The following ASIP variants were observed in gnomAD, a reference collection of about 807,000 sequenced individuals.
ASIP encodes the protein agouti-signaling protein.
In ASIP, 11 loss-of-function variants were observed where a neutral mutation model predicts 10.3. That is an observed-to-expected ratio of 1.07 (90% CI 0.68 to 1.78). The LOEUF (loss-of-function observed/expected upper bound fraction) is 1.78, where lower values mean the gene tolerates loss of function less well. ASIP is among the 40% of genes most tolerant of loss of function. The probability of loss-of-function intolerance (pLI) is 0.00; values close to 1 mark genes in which losing one functional copy is unlikely to be tolerated. For missense variants in ASIP, 180 were observed against 169.2 expected (o/e 1.06, Z -0.35); for synonymous variants, 70 against 70.8 (o/e 0.99, Z 0.06).
intron 1 of ASIP, among the ~76,000 whole-genome samples, chr20:34,224,202 C>G (rs1373519641): frequency 2.7e-5 from 4 of 149,558 alleles, no homozygotes; most frequent in African/African-American, 7.4e-5. Flanking sequence ...GAGAAACACC[C>G]AAGAATTATC....
chr20:34,258,204 A>G (rs2035606664), intron 1 of ASIP, among the ~76,000 whole-genome samples: 1 of 152,016 alleles, frequency 6.6e-6, no homozygotes, highest in African/African-American at 2.4e-5. Flanking sequence ...GTTAGTAGAT[A>G]TTGATGGAGC....
chr20:34,216,317 G>T (rs2035008314), intron 1 of ASIP, among the ~76,000 whole-genome samples: 1 of 152,222 alleles, frequency 6.6e-6, no homozygotes, highest in African/African-American at 2.4e-5. Context: ...CCGCGCGGGC[G>T]GGCGCTGGCG....
chr20:34,232,120 A>G (rs899693331), intron 1 of ASIP, among the ~76,000 whole-genome samples: 34 of 152,252 alleles, frequency 2.2e-4, no homozygotes, highest in African/African-American at 8.0e-4. Context: ...AATGTGTTAC[A>G]TGACAATAGC....
chr20:34,194,875 C>G (rs993446731), intron 1 of ASIP: 11 of 152,188 alleles, frequency 7.2e-5, no homozygotes, highest in Non-Finnish European at 1.3e-4. Flanking sequence ...TTCTTCTCCT[C>G]GTTTTCCTCT....
chr20:34,199,095 T>C (rs745540755), intron 1 of ASIP, among the ~76,000 whole-genome samples: 6 of 151,968 alleles, frequency 3.9e-5, no homozygotes, highest in Admixed American at 6.5e-5. Flanking sequence ...TTGTATATGG[T>C]AATATTTTAT....
chr20:34,267,428 T>C (rs1465968608), intron 3 of ASIP, among the ~76,000 whole-genome samples: 38 of 133,536 alleles, frequency 2.8e-4, no homozygotes, highest in Non-Finnish European at 6.0e-5. Context: ...TCTCAGCACT[T>C]TGGGAGGGCG....
At chr20:34,189,144 C>T in the ASIP span, among the ~76,000 whole-genome samples, 1 of 152,134 alleles carries the variant, frequency 6.6e-6, no homozygotes, top group African/African-American at 2.4e-5. Flanking sequence ...AACTGAGGTT[C>T]AGGGAGGTTA....
At chr20:34,256,402 G>C (rs1186948855) in intron 1 of ASIP, among the ~76,000 whole-genome samples, 1 of 152,040 alleles carries the variant, frequency 6.6e-6, no homozygotes, top group Admixed American at 6.6e-5. Flanking sequence ...ACGATCTCTC[G>C]TCTCCACACA....
intron 1 of ASIP, among the ~76,000 whole-genome samples, chr20:34,216,224 G>A (rs1027797631): frequency 2.0e-5 from 3 of 152,232 alleles, no homozygotes; most frequent in Non-Finnish European, 2.9e-5. Flanking sequence ...AGCGCCCCAA[G>A]AAGGGAAAGA....
chr20:34,207,046 A>C (rs2034942003), intron 1 of ASIP, among the ~76,000 whole-genome samples: 1 of 152,204 alleles, frequency 6.6e-6, no homozygotes, highest in Admixed American at 6.5e-5. Context: ...ATCATATGGT[A>C]GTTCTATTTT....
intron 1 of ASIP, among the ~76,000 whole-genome samples, chr20:34,241,975 C>T (rs1341693930): frequency 6.6e-6 from 1 of 152,120 alleles, no homozygotes; most frequent in Non-Finnish European, 1.5e-5. Flanking sequence ...TGCAGACTCT[C>T]CTTTTCCTTT....
intron 2 of ASIP, 67 bp from the exon 3 acceptor site, chr20:34,262,763 CCT>C: frequency 6.4e-7 from 1 of 1,571,632 alleles, no homozygotes; most frequent in Non-Finnish European, 8.8e-7. Flanking sequence ...CCCCTCTGCC[CCT>C]CTCACTTCAC....
chr20:34,210,319 C>T (rs557695066), intron 1 of ASIP, among the ~76,000 whole-genome samples: 1 of 152,348 alleles, frequency 6.6e-6, no homozygotes, highest in South Asian at 2.1e-4. Context: ...GTCTTTGGGG[C>T]CCTGTGACTC....
chr20:34,187,919 C>T, the ASIP span, among the ~76,000 whole-genome samples: 2 of 152,188 alleles, frequency 1.3e-5, no homozygotes, highest in Admixed American at 1.3e-4. Flanking sequence ...AACTATTATT[C>T]ATATAGTTCA....
chr20:34,253,565 C>T (rs931524717), intron 1 of ASIP, among the ~76,000 whole-genome samples: 49 of 151,756 alleles, frequency 3.2e-4, no homozygotes, highest in African/African-American at 1.1e-3. Context: ...CTCCGCCTCC[C>T]GGTTCAAGCG....
At chr20:34,216,638 T>C (rs1425223256) in intron 1 of ASIP, among the ~76,000 whole-genome samples, 1 of 152,232 alleles carries the variant, frequency 6.6e-6, no homozygotes, top group Admixed American at 6.5e-5. Flanking sequence ...TGTCTTTCCA[T>C]AGAGATACCC....
At chr20:34,268,423 G>A (rs2035825681) in intron 3 of ASIP, among the ~76,000 whole-genome samples, 1 of 152,108 alleles carries the variant, frequency 6.6e-6, no homozygotes, top group Non-Finnish European at 1.5e-5. Context: ...TAAGTTCAAA[G>A]AGAAACCACT....
chr20:34,220,953 C>CTTTTTTTTTT (rs10661983), intron 1 of ASIP, among the ~76,000 whole-genome samples: 18 of 109,756 alleles, frequency 1.6e-4, no homozygotes, highest in African/African-American at 5.5e-4. Context: ...TTCTTTCCTT[C>CTTTTTTTTTT]TTTTTTTTTT....
chr20:34,251,275 C>CT (rs541927648), intron 1 of ASIP, among the ~76,000 whole-genome samples: 17,610 of 146,568 alleles, frequency 0.12, 1,107 homozygotes, highest in East Asian at 0.22. Flanking sequence ...CTCTGTGTAA[C>CT]TTTTTTTTTT....
Sources: allele counts gnomAD v4.1 joint callset (sites outside exome capture counted in the v4.1 genomes callset), GRCh38; gene constraint gnomAD v4.1.1; transcripts MANE v1.5; gene names NCBI Gene and HGNC (gene_info 2026-07-23, HGNC 2026-07-21).